The following CACNA1B variants were observed in gnomAD, a reference collection of about 807,000 sequenced individuals.
The protein encoded by CACNA1B is calcium voltage-gated channel subunit alpha1 B.
In CACNA1B, 70 loss-of-function variants were observed where a neutral mutation model predicts 247.2. The observed-to-expected ratio is 0.28, with a 90% CI of 0.23 to 0.35. The LOEUF (loss-of-function observed/expected upper bound fraction) is 0.35, where lower values mean the gene tolerates loss of function less well. Ranked by LOEUF, CACNA1B falls within the 10% of genes least tolerant of loss-of-function variation. CACNA1B has a pLI of 1.00. For missense variants in CACNA1B, 2,367 were observed against 3,197.4 expected, an observed-to-expected ratio of 0.74 and a Z score of 6.26; for synonymous variants, 1,231 against 1,294.4, an observed-to-expected ratio of 0.95 and a Z score of 1.05.
rs961692894 is a variant in CACNA1B at position 137,899,998 on chromosome 9, C to T, written c.531-13182C>T. Among the ~76,000 whole-genome samples the T allele has an allele frequency of 1.3e-5, 2 of 152,160 alleles. No homozygotes were observed. The highest frequency in any genetic ancestry group is 4.8e-5 in the African/African-American group (2 of 41,432). ...AGATGCATGGGGACAAGGGAGCATC[C>T]ATAGTTTCTCATAGAACATAACAGC... On this transcript the variant is annotated intron_variant, in intron 3 of 46. Coordinates refer to ENST00000371372, the MANE Select transcript of CACNA1B (RefSeq NM_000718.4). The surrounding 1 kb of genome is among the most constrained non-coding windows in gnomAD (Gnocchi z 5.0).
chr9:137,951,365 C>A (rs1263254946), intron 6 of CACNA1B, among the ~76,000 whole-genome samples: 1 of 152,158 alleles, frequency 6.6e-6, no homozygotes, highest in Admixed American at 6.6e-5. Flanking sequence ...GGCAGGAATG[C>A]CAACAGCAGC....
At chr9:137,931,568 G>A (rs1420954048) in intron 6 of CACNA1B, among the ~76,000 whole-genome samples, 1 of 151,964 alleles carries the variant, frequency 6.6e-6, no homozygotes, top group Non-Finnish European at 1.5e-5. Flanking sequence ...CATTTCCCCC[G>A]AGATGTGATC....
At chr9:138,000,529 C>T (rs1311522529) in intron 15 of CACNA1B, among the ~76,000 whole-genome samples, 1 of 152,148 alleles carries the variant, frequency 6.6e-6, no homozygotes, top group Non-Finnish European at 1.5e-5. Context: ...ATCTTTCTGC[C>T]TCCTGCCTGG....
intron 20 of CACNA1B, among the ~76,000 whole-genome samples, chr9:138,026,239 C>T (rs140339108): frequency 6.6e-6 from 1 of 152,352 alleles, no homozygotes; most frequent in African/African-American, 2.4e-5. Context: ...CTCAGCCTCC[C>T]CTTTTCCTTT....
intron 10 of CACNA1B, among the ~76,000 whole-genome samples, chr9:137,963,668 A>G (rs1958044640): frequency 6.6e-6 from 1 of 152,196 alleles, no homozygotes; most frequent in Admixed American, 6.5e-5. Flanking sequence ...AGGTGCTGGG[A>G]TTATAGTCGT....
chr9:138,005,679 C>T (rs189485639), intron 15 of CACNA1B, among the ~76,000 whole-genome samples: 48 of 152,296 alleles, frequency 3.2e-4, no homozygotes, highest in African/African-American at 7.7e-4. Flanking sequence ...TTGATCATTG[C>T]GCATTGTATG....
intron 1 of CACNA1B, 22 bp downstream of exon 1, chr9:137,878,239 G>T: frequency 1.6e-6 from 2 of 1,233,974 alleles, no homozygotes; most frequent in Non-Finnish European, 1.0e-6. Context: ...GGCGGGGCCG[G>T]GCGGGGCCGG....
chr9:138,046,767 G>T, intron 21 of CACNA1B, 137 bp from the exon 22 acceptor site: 1 of 781,960 alleles, frequency 1.3e-6, no homozygotes, highest in Non-Finnish European at 2.0e-6. Flanking sequence ...GGGACCATTA[G>T]CAAAGCGAAG....
rs149211644 is a variant in CACNA1B, at chr9:137,902,709, G to A, written c.531-10471G>A. Among the ~76,000 whole-genome samples the A allele has an allele frequency of 4.4e-3, 676 of 152,100 alleles. 3 individuals carry two copies. The highest frequency in any genetic ancestry group is 0.018 in the South Asian group (86 of 4,818). On this transcript the variant is annotated intron_variant, in intron 3 of 46. Coordinates refer to ENST00000371372, the MANE Select transcript of CACNA1B (RefSeq NM_000718.4). ...TATTTCCTTCCTTCCAAGCTTTTTC[G>A]GTGTGTAGGTTTTTAAATACACAAT...
chr9:137,931,561 T>G (rs577944631), intron 6 of CACNA1B, among the ~76,000 whole-genome samples: 5 of 152,006 alleles, frequency 3.3e-5, no homozygotes, highest in Non-Finnish European at 7.4e-5. Context: ...CCTGCCTCAT[T>G]TCCCCCGAGA....
At position 137,957,904 on chromosome 9, in the gene CACNA1B, C is replaced by T. The variant is rs1352675078; in HGVS notation, c.1333+217C>T. On this transcript the variant is annotated intron_variant, in intron 10 of 46. Transcript: ENST00000371372. This position sits in a 1 kb window ranked among gnomAD's most constrained non-coding sequence, Gnocchi z 4.7. The stretch of plus-strand genomic sequence containing the variant: ...AGGCTGGAGGACTCTATAGGGCCAC[C>T]TCTCTCTTCAGCCCCTGTCTCTTTT... 6.6e-6 allele frequency among the ~76,000 whole-genome samples: 1 copy of T among 152,236 alleles called. No homozygotes were observed. Among genetic ancestry groups the T allele is most frequent in the African/African-American group, 2.4e-5 (1 of 41,468 alleles).
rs1334065059 is a variant in CACNA1B at position 137,952,074 on chromosome 9, C to T, written c.967-200C>T. Among the ~76,000 whole-genome samples the T allele has an allele frequency of 6.6e-6, 1 of 152,148 alleles. No homozygotes were observed. The highest frequency in any genetic ancestry group is 6.5e-5 in the Admixed American group (1 of 15,282). ...AGCTGCAGTCCAGAGAGAACTCTGCCAGCAAGGGCACGTCTGCCTGTGGGT... is the reference window on the plus strand; with the variant it reads ...AGCTGCAGTCCAGAGAGAACTCTGCTAGCAAGGGCACGTCTGCCTGTGGGT... On this transcript the variant is annotated intron_variant, in intron 6 of 46. Transcript: ENST00000371372. This position sits in a 1 kb window ranked among gnomAD's most constrained non-coding sequence, Gnocchi z 4.8.
chr9:137,971,628 A>G lies in CACNA1B; in HGVS notation c.1543+36A>G, dbSNP rs780486062. 26 of 1,558,716 alleles carry G rather than the reference A, an allele frequency of 1.7e-5. 1 individual carries two copies. In the South Asian group the frequency reaches 2.7e-4, roughly 16 times the overall value. On this transcript the variant is annotated intron_variant, in intron 11 of 46. Coordinates refer to ENST00000371372, the MANE Select transcript of CACNA1B (RefSeq NM_000718.4). This position sits in a 1 kb window ranked among gnomAD's most constrained non-coding sequence, Gnocchi z 4.4. ...CCGTCCCTCCCTCAGGTGCTTCCTG[A>G]GCATCTCTGCTCTCAGTCTGGAAAC...
At chr9:137,972,196 G>A (rs979548387) in intron 11 of CACNA1B, among the ~76,000 whole-genome samples, 1 of 152,226 alleles carries the variant, frequency 6.6e-6, no homozygotes, top group Non-Finnish European at 1.5e-5. Context: ...CTCCAGGCCT[G>A]GTCTGTCACA....
chr9:137,994,490 G>T (rs924648984), intron 15 of CACNA1B, among the ~76,000 whole-genome samples: 7 of 152,184 alleles, frequency 4.6e-5, no homozygotes, highest in African/African-American at 1.7e-4. Flanking sequence ...ACTGATAAAA[G>T]AATTCAGCAA....
At position 137,926,913 on chromosome 9, in the gene CACNA1B, A is replaced by G. The variant is rs537848084; in HGVS notation, c.966+9482A>G. Among the ~76,000 whole-genome samples the G allele has an allele frequency of 4.6e-5, 7 of 152,254 alleles. No homozygotes were observed. The East Asian group carries it at 1.4e-3, about 29-fold the overall frequency. Reference sequence around the variant, plus strand: ...TTTTGGTTGTTGTTGAGTTTTAGGCATTCTCTGTATATTCTGAGTATAATC... The same window carrying G: ...TTTTGGTTGTTGTTGAGTTTTAGGCGTTCTCTGTATATTCTGAGTATAATC... On this transcript the variant is annotated intron_variant, in intron 6 of 46. Transcript: ENST00000371372.
chr9:137,925,273 T>C (rs7044259), intron 6 of CACNA1B, among the ~76,000 whole-genome samples: 152,162 of 152,368 alleles, frequency 1, 75,980 homozygotes, highest in Middle Eastern at 1. Context: ...CAGAGAGGTA[T>C]AGGGGGAGGC....
At position 137,955,311 on chromosome 9, in the gene CACNA1B, A is replaced by C. The variant is rs548242196; in HGVS notation, c.1071-387A>C. Among the ~76,000 whole-genome samples the C allele has an allele frequency of 4.6e-4, 70 of 152,328 alleles. No homozygotes were observed. Among genetic ancestry groups the C allele is most frequent in the African/African-American group, 1.6e-3 (68 of 41,580 alleles). Reference sequence around the variant, plus strand: ...CGCCAGGAGCTCTCTGGAGGACAGCAGATAACAGAGCCTGGCACAAGGGGA... The same window carrying C: ...CGCCAGGAGCTCTCTGGAGGACAGCCGATAACAGAGCCTGGCACAAGGGGA... On this transcript the variant is annotated intron_variant, in intron 7 of 46. Coordinates refer to ENST00000371372, the MANE Select transcript of CACNA1B (RefSeq NM_000718.4). This position sits in a 1 kb window ranked among gnomAD's most constrained non-coding sequence, Gnocchi z 6.9.
At chr9:138,079,874 CAA>C (rs145080243) in intron 36 of CACNA1B, among the ~76,000 whole-genome samples, 38,407 of 115,616 alleles carry the variant, frequency 0.33, 6,606 homozygotes, top group African/African-American at 0.55. Context: ...GACTCTGTCT[CAA>C]AAAAAAAAAA....
Sources: gnomAD v4.1 joint callset for allele counts (sites outside exome capture counted in the v4.1 genomes callset) on GRCh38, gnomAD v4.1.1 for gene constraint, Gnocchi (gnomAD v3.1) non-coding constraint, MANE v1.5 for transcripts, NCBI Gene and HGNC (gene_info 2026-07-23, HGNC 2026-07-21) for gene names.